The following VNN1 variants were observed in gnomAD, a reference collection of about 807,000 sequenced individuals.
VNN1 encodes pantetheinase.
A neutral mutation model predicts 41.9 loss-of-function variants in VNN1; 29 were observed. The observed-to-expected ratio is 0.69, with a 90% CI of 0.52 to 0.94. The LOEUF (loss-of-function observed/expected upper bound fraction) is 0.94, where lower values mean the gene tolerates loss of function less well. Among genes scored for constraint, VNN1 ranks in the 40% least tolerant of loss-of-function variants. The pLI, the probability that VNN1 is intolerant of heterozygous loss-of-function variation, is 0.00. For synonymous variants in VNN1, 233 were observed against 224.4 expected (o/e 1.04, Z -0.34); for missense variants, 637 against 621.1 (o/e 1.03, Z -0.27).
At chr6:132,697,752 G>A (rs1017120295) in intron 2 of VNN1, among the ~76,000 whole-genome samples, 5 of 151,802 alleles carry the variant, frequency 3.3e-5, no homozygotes, top group Admixed American at 6.6e-5. Context: ...ATTGGAAAAG[G>A]ATATAATAAT....
In VNN1 at chr6:132,693,843, G is replaced by A. The variant is rs1291835631; in HGVS notation, c.534+147C>T. 4.2e-6 allele frequency: 4 copies of A among 943,918 alleles called. No homozygotes were observed. In the African/African-American group the frequency reaches 6.6e-5, roughly 16 times the overall value. 58.5% of individuals were successfully genotyped at this position (943,918 alleles called of 1,614,324 possible). On this transcript the variant is annotated intron_variant, in intron 3 of 6. Coordinates refer to ENST00000367928, the MANE Select transcript of VNN1 (RefSeq NM_004666.3). ...GAACCCCTTAAGCCTCTTTATAGGA[G>A]CTTTCCACGCTTTATCATTACTTTC...
intron 4 of VNN1, among the ~76,000 whole-genome samples, 167 bp from the exon 5 acceptor site, chr6:132,692,751 CAATT>C (rs1363174497): frequency 3.3e-5 from 5 of 151,234 alleles, no homozygotes; most frequent in African/African-American, 1.2e-4. Flanking sequence ...GAGAGGAAAT[CAATT>C]AAAGTATGAA....
intron 2 of VNN1, among the ~76,000 whole-genome samples, chr6:132,694,687 T>C (rs1156698773): frequency 6.7e-6 from 1 of 149,774 alleles, no homozygotes; most frequent in East Asian, 2.0e-4. Context: ...AGACTGTCTC[T>C]CTACAAAAAA....
At chr6:132,704,007 A>ATAACAATTGAGCACACAAGTGTGC (rs1778484576) in intron 2 of VNN1, among the ~76,000 whole-genome samples, 1 of 152,182 alleles carries the variant, frequency 6.6e-6, no homozygotes, top group Non-Finnish European at 1.5e-5. Context: ...GTCAGAGGAT[A>ATAACAATTGAGCACACAAGTGTGC]TAACAATTGA....
intron 2 of VNN1, among the ~76,000 whole-genome samples, chr6:132,706,881 A>G (rs1195599880): frequency 2.0e-5 from 3 of 151,734 alleles, no homozygotes; most frequent in Admixed American, 6.6e-5. Flanking sequence ...AAGAAGTTAT[A>G]CAAATGGCAA....
intron 5 of VNN1, among the ~76,000 whole-genome samples, chr6:132,691,189 G>T (rs2114342130): frequency 6.6e-6 from 1 of 152,302 alleles, no homozygotes; most frequent in African/African-American, 2.4e-5. Flanking sequence ...TAAGAAATTT[G>T]ATTTGTCAAT....
Position 132,694,090 on chromosome 6 carries a change from C to G in VNN1, c.434G>C (p.Cys145Ser), listed in dbSNP as rs781608990. The G allele has an allele frequency of 6.8e-6, 11 of 1,614,054 alleles. No homozygotes were observed. The highest frequency in any genetic ancestry group is 9.3e-6 in the Non-Finnish European group (11 of 1,180,020). ...GGGACACTGAGGATCACTGGTATCG[C>G]ATGGCTTCTTGTCCCCAATATTTGC... ...VVANIGDKKPCDTSDPQCPPD... is the reference protein window; with the variant it reads ...VVANIGDKKPSDTSDPQCPPD... The change falls in exon 3 of 7, where the codon TGC (cysteine) becomes TCC (serine). Residue 145 changes from cysteine (C) to serine (S), a missense_variant. By Grantham distance (112) the Cys-to-Ser change is moderately radical (BLOSUM62 -1). Transcript: ENST00000367928.
chr6:132,708,659 C>T (rs1778552827), intron 2 of VNN1, among the ~76,000 whole-genome samples: 1 of 152,148 alleles, frequency 6.6e-6, no homozygotes, highest in Non-Finnish European at 1.5e-5. Flanking sequence ...CAAAACCTGC[C>T]AGTGCTACTT....
chr6:132,686,249 C>T (rs552605104), intron 5 of VNN1, among the ~76,000 whole-genome samples: 27 of 152,118 alleles, frequency 1.8e-4, no homozygotes, highest in Non-Finnish European at 7.4e-5. Flanking sequence ...GAGTTCGAGA[C>T]CAGCCTGGCC....
In VNN1 at chr6:132,711,784, C is replaced by CTGTTGAAGT. The variant is rs752035679; in HGVS notation, c.257_265dup (p.Asn86_Asn88dup). 34 of 1,613,828 alleles carry CTGTTGAAGT rather than the reference C, an allele frequency of 2.1e-5. No individual in the cohort carries two copies. The highest frequency in any genetic ancestry group is 2.7e-5 in the Non-Finnish European group (32 of 1,179,942). ...CTCCAAATATGGGTAGAGAGAGTCC[C>CTGTTGAAGT]TGTTGAAGTTCCAGCCATAAATAGC... On this transcript the variant is annotated inframe_insertion, in exon 2 of 7. Coordinates refer to ENST00000367928, the MANE Select transcript of VNN1 (RefSeq NM_004666.3).
chr6:132,682,638 T>C lies in VNN1; in HGVS notation c.*502A>G, dbSNP rs1778142207. The C allele has an allele frequency of 6.6e-6, 1 of 152,604 alleles. No individual in the cohort carries two copies. 9.5% of individuals were successfully genotyped at this position (152,604 alleles called of 1,614,324 possible). A position where few individuals can be genotyped will look rare whatever the true frequency, so the allele number is the denominator to read the frequency against. Reference sequence around the variant, plus strand: ...TTAAAGACCCTGTCTCCAAATACAGTCACATTCTGAGGTGCTTCAACATGT... The same window carrying C: ...TTAAAGACCCTGTCTCCAAATACAGCCACATTCTGAGGTGCTTCAACATGT... On this transcript the variant is annotated 3_prime_UTR_variant, in exon 7 of 7. Coordinates refer to ENST00000367928, the MANE Select transcript of VNN1 (RefSeq NM_004666.3).
intron 5 of VNN1, among the ~76,000 whole-genome samples, chr6:132,691,890 C>T (rs939118544): frequency 6.6e-6 from 1 of 152,022 alleles, no homozygotes; most frequent in African/African-American, 2.4e-5. Flanking sequence ...CGCCTGTAGT[C>T]CCAGCTACTT....
At chr6:132,695,020 C>A (rs144731414) in intron 2 of VNN1, among the ~76,000 whole-genome samples, 4 of 152,100 alleles carry the variant, frequency 2.6e-5, no homozygotes, top group African/African-American at 9.6e-5. Context: ...GGCCTGGTGG[C>A]GTGCGCCTAT....
At chr6:132,713,724 T>C (rs1347808749) in intron 1 of VNN1, 102 bp downstream of exon 1, 14 of 1,266,338 alleles carry the variant, frequency 1.1e-5, no homozygotes, top group Non-Finnish European at 1.3e-5. Context: ...CTGATACATA[T>C]ATCATCTAAA....
At chr6:132,687,478 T>C (rs1011543396) in intron 5 of VNN1, among the ~76,000 whole-genome samples, 1 of 152,064 alleles carries the variant, frequency 6.6e-6, no homozygotes, top group Non-Finnish European at 1.5e-5. Flanking sequence ...ACCATGAGGA[T>C]AAAGGGAGAT....
rs1263676007 is a variant in VNN1 at position 132,684,483 on chromosome 6, T to C, written c.1211A>G (p.Lys404Arg). 2 of 1,614,090 alleles carry C rather than the reference T, an allele frequency of 1.2e-6. No individual in the cohort carries two copies. Among genetic ancestry groups the C allele is most frequent in the Non-Finnish European group, 1.7e-6 (2 of 1,179,990 alleles). ...YLQICTLLKCKTTNLNTCGDS... is the reference protein window; with the variant it reads ...YLQICTLLKCRTTNLNTCGDS... Reference sequence around the variant, plus strand: ...ACCGCAAGTGTTTAAATTAGTCGTTTTACATTTCAACAGGGTACAAATCTA... The same window carrying C: ...ACCGCAAGTGTTTAAATTAGTCGTTCTACATTTCAACAGGGTACAAATCTA... The change falls in exon 6 of 7, where the codon AAA becomes AGA. Residue 404 changes from lysine to arginine, a missense_variant. Lys to Arg is a conservative substitution (Grantham distance 26). Transcript: ENST00000367928.
chr6:132,700,912 T>C (rs1410729908), intron 2 of VNN1, among the ~76,000 whole-genome samples: 2 of 152,202 alleles, frequency 1.3e-5, no homozygotes, highest in South Asian at 2.1e-4. Flanking sequence ...CCCTGCTCTA[T>C]AGATTCCATA....
chr6:132,707,680 C>T (rs758507025), intron 2 of VNN1, among the ~76,000 whole-genome samples: 10 of 152,170 alleles, frequency 6.6e-5, no homozygotes, highest in African/African-American at 9.7e-5. Context: ...GCAAACATCA[C>T]ATGTTCTCAC....
rs1491472448 is a variant in VNN1, at chr6:132,712,148, T to TC, written c.211-310dup. On this transcript the variant is annotated intron_variant, in intron 1 of 6. Transcript: ENST00000367928. ...GGGCTTCTAGTCAAGCATTTTTTTT[T>TC]CTCTCTTTTTTTTTTTTTTCAGATG... Among the ~76,000 whole-genome samples the TC allele has an allele frequency of 2.0e-5, 3 of 150,688 alleles. No individual in the cohort carries two copies. The East Asian group carries it at 5.9e-4, about 30-fold the overall frequency.
Sources: allele counts gnomAD v4.1 joint callset (sites outside exome capture counted in the v4.1 genomes callset), GRCh38; gene constraint gnomAD v4.1.1; transcripts MANE v1.5; gene names NCBI Gene and HGNC (gene_info 2026-07-23, HGNC 2026-07-21).